Variants in ASPH observed in about 807,000 individuals in gnomAD.
ASPH encodes aspartyl/asparaginyl beta-hydroxylase.
Under a neutral mutation model 118.4 loss-of-function variants are expected in ASPH, and 100 were observed. That is an observed-to-expected ratio of 0.84 (90% CI 0.72 to 1.00). The LOEUF (loss-of-function observed/expected upper bound fraction) is 1.00, where lower values mean the gene tolerates loss of function less well. Ranked by LOEUF, ASPH falls within the 50% of genes least tolerant of loss-of-function variation. ASPH has a pLI of 0.00. For missense variants in ASPH, 920 were observed against 919.5 expected, an observed-to-expected ratio of 1.00 and a Z score of -0.01; for synonymous variants, 315 against 325.6, an observed-to-expected ratio of 0.97 and a Z score of 0.35.
chr8:61,671,603 C>T (rs1822572826), intron 3 of ASPH, among the ~76,000 whole-genome samples: 2 of 152,128 alleles, frequency 1.3e-5, no homozygotes, highest in South Asian at 2.1e-4. Flanking sequence ...ATTTTCTTTT[C>T]GTCCTTTTAT....
At chr8:61,608,069 TG>T (rs1846133181) in intron 14 of ASPH, among the ~76,000 whole-genome samples, 1 of 152,172 alleles carries the variant, frequency 6.6e-6, no homozygotes. Flanking sequence ...TTTGCAGCAC[TG>T]GGAAAGGCTC....
chr8:61,606,790 T>C (rs72659014), intron 14 of ASPH: 139 of 153,072 alleles, frequency 9.1e-4, no homozygotes, highest in Non-Finnish European at 1.8e-3. Flanking sequence ...TGTAATCTTC[T>C]GTATAGAGAG....
At chr8:61,532,083 T>C (rs992473835) in intron 21 of ASPH, among the ~76,000 whole-genome samples, 2 of 152,188 alleles carry the variant, frequency 1.3e-5, no homozygotes, top group Non-Finnish European at 2.9e-5. Flanking sequence ...TGTATAATAA[T>C]TCTATTTTTA....
chr8:61,612,996 G>C (rs1052338678), intron 14 of ASPH, among the ~76,000 whole-genome samples: 1 of 152,136 alleles, frequency 6.6e-6, no homozygotes, highest in African/African-American at 2.4e-5. Flanking sequence ...AGAATGAAAG[G>C]GAAGGGGGTT....
At chr8:61,604,209 T>A (rs1490726923) in intron 14 of ASPH, among the ~76,000 whole-genome samples, 1 of 152,102 alleles carries the variant, frequency 6.6e-6, no homozygotes, top group Non-Finnish European at 1.5e-5. Flanking sequence ...TTGTGGTAGG[T>A]ACATATATGC....
chr8:61,553,153 T>G (rs534374426), intron 19 of ASPH, 33 bp from the exon 20 acceptor site: 2 of 1,483,518 alleles, frequency 1.3e-6, no homozygotes, highest in African/African-American at 2.8e-5. Flanking sequence ...ATGGGTAAAA[T>G]AATTAAATAC....
At chr8:61,595,655 A>G (rs1842315727) in intron 14 of ASPH, among the ~76,000 whole-genome samples, 1 of 152,240 alleles carries the variant, frequency 6.6e-6, no homozygotes, top group Non-Finnish European at 1.5e-5. Context: ...CACATTCCTC[A>G]AACCAGTGAT....
At chr8:61,550,992 G>A (rs1825798602) in intron 20 of ASPH, among the ~76,000 whole-genome samples, 1 of 152,184 alleles carries the variant, frequency 6.6e-6, no homozygotes, top group Non-Finnish European at 1.5e-5. Context: ...TTGAATGAGA[G>A]AAGGAACCTA....
intron 18 of ASPH, among the ~76,000 whole-genome samples, chr8:61,559,876 G>C (rs1829179341): frequency 6.6e-6 from 1 of 152,122 alleles, no homozygotes; most frequent in Non-Finnish European, 1.5e-5. Flanking sequence ...TGCAGGAAAT[G>C]AGAACCACAG....
intron 14 of ASPH, among the ~76,000 whole-genome samples, chr8:61,595,587 G>A (rs1293763650): frequency 6.6e-6 from 1 of 152,220 alleles, no homozygotes; most frequent in Non-Finnish European, 1.5e-5. Context: ...TGAAACAATG[G>A]CTTGTGAGAA....
chr8:61,579,493 C>A, intron 15 of ASPH: 1 of 1,592,112 alleles, frequency 6.3e-7, no homozygotes, highest in Non-Finnish European at 8.6e-7. Flanking sequence ...GGTCTGAGCT[C>A]GGCCTATGGG....
At chr8:61,648,158 A>T (rs1406709256) in intron 5 of ASPH, among the ~76,000 whole-genome samples, 2 of 152,224 alleles carry the variant, frequency 1.3e-5, no homozygotes, top group East Asian at 3.8e-4. Flanking sequence ...ATCTATTTGT[A>T]ACATTGTTAT....
At chr8:61,644,076 C>A (rs1588556574) in intron 7 of ASPH, 75 bp from the exon 8 acceptor site, 3 of 1,140,536 alleles carry the variant, frequency 2.6e-6, no homozygotes, top group East Asian at 2.5e-5. Flanking sequence ...CAGAAAGACA[C>A]AATTTCTAGT....
intron 3 of ASPH, chr8:61,656,214 G>A (rs1243929506): frequency 6.6e-6 from 1 of 152,184 alleles, no homozygotes; most frequent in East Asian, 1.9e-4. Context: ...GTTATGACAT[G>A]AGATGTGTCG....
chr8:61,561,605 C>T (rs752871276), intron 18 of ASPH, among the ~76,000 whole-genome samples: 1 of 152,308 alleles, frequency 6.6e-6, no homozygotes, highest in African/African-American at 2.4e-5. Context: ...TATGAAACTG[C>T]TGTTCTTGAT....
chr8:61,670,085 A>T (rs1176732581), intron 3 of ASPH, among the ~76,000 whole-genome samples: 3 of 152,108 alleles, frequency 2.0e-5, no homozygotes, highest in Admixed American at 2.0e-4. Context: ...AATATTTTTG[A>T]CATAAAAAGG....
intron 24 of ASPH, among the ~76,000 whole-genome samples, chr8:61,509,096 A>T (rs899845191): frequency 2.6e-5 from 4 of 152,152 alleles, no homozygotes; most frequent in African/African-American, 9.7e-5. Context: ...AGGGGTTTGT[A>T]ACTCAGATGA....
chr8:61,684,135 A>G lies in ASPH; in HGVS notation c.157T>C (p.Ser53Pro). Residue 53 changes from serine to proline, a missense_variant, in exon 2 of 25, where the codon TCA becomes CCA. Coordinates refer to ENST00000379454, the MANE Select transcript of ASPH (RefSeq NM_004318.4). ...ATCACCATAAACCACGTGAAGAATG[A>G]AGTTCCTGAGAGTCCGCCTTTCCTC... ...NGRKGGLSGT[S>P]FFTWFMVIAL... 6.2e-7 allele frequency: 1 copy of G among 1,613,662 alleles called. No homozygotes were observed. Among genetic ancestry groups the G allele is most frequent in the Non-Finnish European group, 8.5e-7 (1 of 1,179,706 alleles).
intron 15 of ASPH, chr8:61,579,358 T>C: frequency 6.2e-7 from 1 of 1,614,022 alleles, no homozygotes; most frequent in South Asian, 1.1e-5. Context: ...CTGATGAACG[T>C]CAAGCTGGCC....
Sources: allele counts gnomAD v4.1 joint callset (sites outside exome capture counted in the v4.1 genomes callset), GRCh38; gene constraint gnomAD v4.1.1; transcripts MANE v1.5; gene names NCBI Gene and HGNC (gene_info 2026-07-23, HGNC 2026-07-21).